Variants in MAGI2 observed in about 807,000 individuals in gnomAD.
The protein encoded by MAGI2 is membrane associated guanylate kinase, WW and PDZ domain containing 2.
Under a neutral mutation model 133.3 loss-of-function variants are expected in MAGI2, and 35 were observed. That is an observed-to-expected ratio of 0.26 (90% CI 0.20 to 0.35). MAGI2 has a LOEUF of 0.35. MAGI2 is among the 10% of genes least tolerant of loss of function. The pLI is 1.00. For synonymous variants in MAGI2, 729 were observed against 710.6 expected (o/e 1.03, Z -0.41); for missense variants, 1,636 against 1,863.4 (o/e 0.88, Z 2.25).
At chr7:78,238,102 A>C (rs1038589472) in intron 10 of MAGI2, among the ~76,000 whole-genome samples, 4 of 151,998 alleles carry the variant, frequency 2.6e-5, no homozygotes, top group African/African-American at 9.7e-5. Flanking sequence ...CTCACAAGTT[A>C]TGTGTTTTTG....
chr7:78,986,989 G>T (rs1453892886), intron 2 of MAGI2, among the ~76,000 whole-genome samples: 2 of 151,784 alleles, frequency 1.3e-5, no homozygotes, highest in Non-Finnish European at 2.9e-5. Flanking sequence ...TCCAGGATGG[G>T]GATTGCAAAC....
chr7:79,026,003 GACCACTTAT>G (rs1346582927), intron 1 of MAGI2, among the ~76,000 whole-genome samples: 1 of 152,062 alleles, frequency 6.6e-6, no homozygotes, highest in Non-Finnish European at 1.5e-5. Flanking sequence ...GTGTTTTAGG[GACCACTTAT>G]ACACTTACCA....
intron 1 of MAGI2, among the ~76,000 whole-genome samples, chr7:79,043,193 C>A (rs969508223): frequency 1.3e-5 from 2 of 151,370 alleles, no homozygotes; most frequent in Non-Finnish European, 2.9e-5. Flanking sequence ...AAGAGCAAGC[C>A]AACCCCAAAG....
At chr7:79,220,373 A>G (rs1207613338) in intron 1 of MAGI2, among the ~76,000 whole-genome samples, 2 of 152,006 alleles carry the variant, frequency 1.3e-5, no homozygotes, top group Non-Finnish European at 2.9e-5. Flanking sequence ...GGCTGGTAAC[A>G]GGTCAAAAAA....
chr7:78,286,946 G>A (rs573005033), intron 9 of MAGI2, among the ~76,000 whole-genome samples: 2 of 152,314 alleles, frequency 1.3e-5, no homozygotes, highest in South Asian at 4.1e-4. Context: ...GAGAGTGAAT[G>A]TAGCCGGATG....
intron 1 of MAGI2, among the ~76,000 whole-genome samples, chr7:79,273,674 T>TTG (rs1210784527): frequency 1.5e-4 from 20 of 135,134 alleles, no homozygotes; most frequent in East Asian, 2.2e-4. Flanking sequence ...TGTTGTTGTT[T>TTG]TTTCTGCTTT....
At chr7:78,074,764 T>C (rs991582281) in intron 21 of MAGI2, among the ~76,000 whole-genome samples, 5 of 152,230 alleles carry the variant, frequency 3.3e-5, no homozygotes, top group Non-Finnish European at 7.3e-5. Flanking sequence ...AGAAATTCTG[T>C]TTCATGATAT....
intron 2 of MAGI2, among the ~76,000 whole-genome samples, chr7:78,967,617 T>G (rs1299991210): frequency 2.7e-5 from 4 of 147,796 alleles, no homozygotes; most frequent in Non-Finnish European, 5.9e-5. Flanking sequence ...GAGTTGATTT[T>G]TTTTTTATAT....
intron 1 of MAGI2, among the ~76,000 whole-genome samples, chr7:79,359,613 G>A (rs1483392982): frequency 6.6e-6 from 1 of 150,872 alleles, no homozygotes; most frequent in Non-Finnish European, 1.5e-5. Context: ...CACATTATGG[G>A]ACGGAAAAGC....
chr7:79,287,540 G>A (rs932816466), intron 1 of MAGI2, among the ~76,000 whole-genome samples: 1 of 152,110 alleles, frequency 6.6e-6, no homozygotes, highest in Non-Finnish European at 1.5e-5. Flanking sequence ...TTTTGTGGCT[G>A]GATAGATTTG....
At chr7:78,593,379 G>A (rs112765417) in intron 3 of MAGI2, among the ~76,000 whole-genome samples, 2 of 152,038 alleles carry the variant, frequency 1.3e-5, no homozygotes, top group Middle Eastern at 6.8e-3. Flanking sequence ...GCGACAGAGC[G>A]AGACTCCGTC....
chr7:78,853,499 A>G (rs767225229), intron 2 of MAGI2, among the ~76,000 whole-genome samples: 12 of 150,806 alleles, frequency 8.0e-5, no homozygotes, highest in South Asian at 4.2e-4. Context: ...GTGACTACAG[A>G]CACATGCCAC....
At chr7:78,521,797 T>C in intron 3 of MAGI2, 152 bp from the exon 4 acceptor site, 1 of 609,878 alleles carries the variant, frequency 1.6e-6, no homozygotes, top group Non-Finnish European at 2.9e-6. Flanking sequence ...TTTCTATCTA[T>C]GTGTCTCTCT....
intron 1 of MAGI2, among the ~76,000 whole-genome samples, chr7:79,007,715 T>C (rs1233462788): frequency 6.6e-6 from 1 of 152,108 alleles, no homozygotes; most frequent in Non-Finnish European, 1.5e-5. Context: ...AAAAGATTTT[T>C]AAGTTATTGA....
chr7:78,244,209 G>GTAATAGAAC (rs1309321465), intron 10 of MAGI2, among the ~76,000 whole-genome samples: 1 of 142,218 alleles, frequency 7.0e-6, no homozygotes, highest in Non-Finnish European at 1.5e-5. Flanking sequence ...AGAAATGGGA[G>GTAATAGAAC]TAATAGAACT....
intron 2 of MAGI2, among the ~76,000 whole-genome samples, chr7:78,666,396 G>C (rs922063562): frequency 6.6e-6 from 1 of 152,172 alleles, no homozygotes; most frequent in African/African-American, 2.4e-5. Flanking sequence ...TCATTGTATA[G>C]TTCATTGTAT....
intron 1 of MAGI2, among the ~76,000 whole-genome samples, chr7:79,255,399 G>A (rs547589085): frequency 1.3e-5 from 2 of 152,160 alleles, no homozygotes; most frequent in South Asian, 4.1e-4. Flanking sequence ...TGAAGTGTAA[G>A]GTATTGTAAG....
intron 6 of MAGI2, among the ~76,000 whole-genome samples, chr7:78,409,090 G>A (rs1424918341): frequency 6.6e-6 from 1 of 152,026 alleles, no homozygotes; most frequent in Non-Finnish European, 1.5e-5. Context: ...TCCTTGTAAT[G>A]ATTTAATTTT....
intron 2 of MAGI2, among the ~76,000 whole-genome samples, chr7:78,717,454 T>C (rs990754537): frequency 1.3e-5 from 2 of 152,142 alleles, no homozygotes; most frequent in Non-Finnish European, 2.9e-5. Context: ...CTTACTATGG[T>C]GAAAATCTGC....
Sources: gnomAD v4.1 joint callset for allele counts (sites outside exome capture counted in the v4.1 genomes callset) on GRCh38, gnomAD v4.1.1 for gene constraint, MANE v1.5 for transcripts, NCBI Gene and HGNC (gene_info 2026-07-23, HGNC 2026-07-21) for gene names.